The following PDXDC1 variants were observed in gnomAD, a reference collection of about 807,000 sequenced individuals.
PDXDC1 encodes the protein pyridoxal-dependent decarboxylase domain-containing protein 1.
A neutral mutation model predicts 100.1 loss-of-function variants in PDXDC1; 42 were observed. The ratio of observed to expected loss-of-function variants is 0.42; its 90% CI spans 0.33 to 0.54. PDXDC1 has a LOEUF of 0.54. Among genes scored for constraint, PDXDC1 ranks in the 20% least tolerant of loss-of-function variants. The probability of loss-of-function intolerance (pLI) is 0.10; values close to 1 mark genes in which losing one functional copy is unlikely to be tolerated. For missense variants in PDXDC1, 636 were observed against 979.2 expected (o/e 0.65, Z 4.68); for synonymous variants, 260 against 371.7 (o/e 0.70, Z 3.46).
rs943482185 is a variant in PDXDC1, at chr16:15,135,123, C to G, written c.1400-3756C>G. On this transcript the variant is annotated intron_variant, in intron 16 of 16. Transcript: ENST00000535621. ...GAACTGTGGCAGGTTTGGAAGGAAG[C>G]AAAGCTGAAGCAGGCTGTCGTGTTA... The G allele has an allele frequency of 1.1e-4, 71 of 662,276 alleles. 1 individual carries two copies. Among genetic ancestry groups the G allele is most frequent in the Admixed American group, 6.4e-5 (3 of 46,896 alleles). The allele number at this position is 662,276 out of a possible 1,614,324, so 41.0% of individuals were successfully genotyped here.
chr16:14,988,155 A>C, intron 1 of PDXDC1: 1 of 1,527,984 alleles, frequency 6.5e-7, no homozygotes, highest in Non-Finnish European at 9.0e-7. Context: ...CCAACAAGGC[A>C]CAAAGGGCGG....
At chr16:15,056,972 C>T (rs2044547482) in intron 16 of PDXDC1, among the ~76,000 whole-genome samples, 1 of 152,008 alleles carries the variant, frequency 6.6e-6, no homozygotes, top group Non-Finnish European at 1.5e-5. Flanking sequence ...AGGACAGGTC[C>T]CCAAGGTGAG....
At chr16:15,038,358 G>C, downstream of PDXDC1, 1 of 658,010 alleles carries the variant, frequency 1.5e-6, no homozygotes, top group Non-Finnish European at 2.6e-6. Context: ...TAAGAAAAAA[G>C]TTGATTGCTT....
At chr16:15,133,685 T>A in intron 16 of PDXDC1, 1 of 1,594,214 alleles carries the variant, frequency 6.3e-7, no homozygotes, top group Non-Finnish European at 8.6e-7. Flanking sequence ...GGCGCCAGCA[T>A]CCTCCGCGTC....
At chr16:15,028,537 A>G (rs2042801166) in intron 14 of PDXDC1, among the ~76,000 whole-genome samples, 1 of 152,306 alleles carries the variant, frequency 6.6e-6, no homozygotes, top group South Asian at 2.1e-4. Context: ...ACCCACTGTG[A>G]GGCCTAGTTA....
At chr16:15,090,254 G>C (rs1750268689) in intron 16 of PDXDC1, among the ~76,000 whole-genome samples, 2 of 151,968 alleles carry the variant, frequency 1.3e-5, no homozygotes, top group African/African-American at 4.8e-5. Context: ...AAAAAACATG[G>C]GTAACCTGTC....
intron 16 of PDXDC1, chr16:15,131,039 C>A (rs761553871): frequency 3.3e-6 from 5 of 1,513,614 alleles, no homozygotes; most frequent in East Asian, 2.3e-5. Flanking sequence ...CGCCTTCCCC[C>A]CAAGAACAAG....
chr16:15,152,274 G>A, the PDXDC1 span, among the ~76,000 whole-genome samples: 1 of 120,638 alleles, frequency 8.3e-6, no homozygotes, highest in African/African-American at 2.7e-5. Context: ...GGCTACTGGT[G>A]ACACCCAGAC....
intron 1 of PDXDC1, among the ~76,000 whole-genome samples, chr16:14,986,428 C>T (rs1248176603): frequency 2.6e-5 from 4 of 152,276 alleles, no homozygotes; most frequent in Non-Finnish European, 4.4e-5. Context: ...GAGATCAAGC[C>T]ACTGCACTCC....
At chr16:15,060,564 CA>C (rs1435157201) in intron 16 of PDXDC1, 1 of 153,572 alleles carries the variant, frequency 6.5e-6, no homozygotes, top group Non-Finnish European at 1.4e-5. Flanking sequence ...CACAAGTAAA[CA>C]AAAAAGTACA....
intron 1 of PDXDC1, among the ~76,000 whole-genome samples, chr16:14,980,301 A>AT (rs1300808564): frequency 2.4e-3 from 353 of 150,026 alleles, no homozygotes; most frequent in African/African-American, 5.3e-3. Context: ...TTGATTTATA[A>AT]TTTTTTTTTT....
chr16:15,125,829 C>T (rs749726460), intron 16 of PDXDC1: 69 of 923,528 alleles, frequency 7.5e-5, no homozygotes, highest in Non-Finnish European at 1.2e-4. Flanking sequence ...CAGCAGTGGT[C>T]AGCGGGCGGC....
chr16:15,029,048 G>A (rs533243912), intron 15 of PDXDC1, 82 bp downstream of exon 15: 112 of 1,478,640 alleles, frequency 7.6e-5, no homozygotes, highest in Non-Finnish European at 6.1e-5. Context: ...ACGCGTGCTC[G>A]TGTATGGGAA....
At chr16:15,135,550 A>T in intron 16 of PDXDC1, 1 of 1,023,192 alleles carries the variant, frequency 9.8e-7, no homozygotes, top group South Asian at 1.4e-5. Context: ...CCCACCAGGC[A>T]CTGAGGACGG....
intron 16 of PDXDC1, among the ~76,000 whole-genome samples, chr16:15,068,837 G>C (rs1453265391): frequency 6.6e-6 from 1 of 152,126 alleles, no homozygotes; most frequent in Admixed American, 6.6e-5. Context: ...TTCTACATGA[G>C]TAAAATAAAG....
At chr16:15,130,618 C>T (rs768226252) in intron 16 of PDXDC1, 26 of 1,372,866 alleles carry the variant, frequency 1.9e-5, no homozygotes, top group South Asian at 1.5e-4. Flanking sequence ...CCTGCCAGGC[C>T]GGCCCGCAGA....
At chr16:15,047,169 A>G (rs1439590620) in intron 16 of PDXDC1, 2 of 480,108 alleles carry the variant, frequency 4.2e-6, no homozygotes, top group Non-Finnish European at 7.5e-6. Flanking sequence ...CGATGTGAAA[A>G]TCGCAACCTC....
At position 15,036,311 on chromosome 16, in the gene PDXDC1, G is replaced by A. The variant is rs2043450439; in HGVS notation, c.*36G>A. 5.8e-6 allele frequency: 9 copies of A among 1,552,630 alleles called. No individual in the cohort carries two copies. The highest frequency in any genetic ancestry group is 1.9e-5 in the Admixed American group (1 of 52,596). ...GTGGTTTGAGACTGTACTGAGTATT[G>A]TTTCAGGGAAGATGAAGTTCTATTG... is the stretch of plus-strand genomic sequence containing the variant. On this transcript the variant is annotated 3_prime_UTR_variant, in exon 23 of 23. Coordinates refer to ENST00000396410, the MANE Select transcript of PDXDC1 (RefSeq NM_015027.4).
At chr16:15,074,879 A>G in intron 16 of PDXDC1, 1 of 1,593,760 alleles carries the variant, frequency 6.3e-7, no homozygotes, top group South Asian at 1.1e-5. Flanking sequence ...GACAAAAAGT[A>G]AATACTAACA....
Sources: allele counts gnomAD v4.1 joint callset (sites outside exome capture counted in the v4.1 genomes callset), GRCh38; gene constraint gnomAD v4.1.1; transcripts MANE v1.5; gene names NCBI Gene and HGNC (gene_info 2026-07-23, HGNC 2026-07-21).